Variants in POLR2G observed in about 807,000 individuals in gnomAD.
POLR2G encodes DNA-directed RNA polymerase II subunit RPB7.
Under a neutral mutation model 25.7 loss-of-function variants are expected in POLR2G, and 19 were observed. The observed-to-expected ratio is 0.74, with a 90% CI of 0.52 to 1.08. POLR2G has a LOEUF of 1.08. POLR2G is among the 50% of genes least tolerant of loss of function. The pLI is 0.00. For synonymous variants in POLR2G, 79 were observed against 76.0 expected (o/e 1.04, Z -0.21); for missense variants, 123 against 218.5 (o/e 0.56, Z 2.76).
rs767859598 is a variant in POLR2G at position 62,765,733 on chromosome 11, T to C, written c.471+9T>C. 1.2e-5 allele frequency: 18 copies of C among 1,532,832 alleles called. No individual in the cohort carries two copies. The highest frequency in any genetic ancestry group is 1.6e-5 in the Non-Finnish European group (18 of 1,105,928). The allele number at this position is 1,532,832 out of a possible 1,614,324, so 95.0% of individuals were successfully genotyped here. On this transcript the variant is annotated intron_variant, in intron 6 of 7. Coordinates refer to ENST00000301788, the MANE Select transcript of POLR2G (RefSeq NM_002696.3). ...TGGACAAGAATGACATTGTGAGTCTTTTCCCCACCTCTCTACCTATACCAG... is the reference window on the plus strand; with the variant it reads ...TGGACAAGAATGACATTGTGAGTCTCTTCCCCACCTCTCTACCTATACCAG...
intron 2 of POLR2G, 146 bp from the exon 3 acceptor site, chr11:62,762,721 A>G: frequency 1.5e-6 from 1 of 652,064 alleles, no homozygotes; most frequent in East Asian, 2.6e-5. Flanking sequence ...TCTTTTGGTC[A>G]TTAAGCTCTC....
chr11:62,766,345 T>G, intron 7 of POLR2G, 69 bp downstream of exon 7: 1 of 1,520,866 alleles, frequency 6.6e-7, no homozygotes, highest in South Asian at 1.1e-5. Flanking sequence ...GGGAGTAATA[T>G]AGGATTCAAT....
intron 5 of POLR2G, 25 bp downstream of exon 5, chr11:62,765,430 G>C: frequency 6.3e-7 from 1 of 1,578,662 alleles, no homozygotes; most frequent in Non-Finnish European, 8.7e-7. Flanking sequence ...AGAAGTCAGG[G>C]AGACAAGGAG....
At chr11:62,762,630 G>A in intron 2 of POLR2G, 1 of 609,672 alleles carries the variant, frequency 1.6e-6, no homozygotes, top group Non-Finnish European at 3.1e-6. Context: ...GTTGCCTCAA[G>A]GACTCCAGCC....
rs1240958819 is a variant in POLR2G, at chr11:62,761,950, C to T, written c.122+46C>T. ...ACCGCCAGATCGTTCGATGCGCACA[C>T]GGGGCGCTATACCTGCAACCCCTCC... On this transcript the variant is annotated intron_variant, in intron 2 of 7. Coordinates refer to ENST00000301788, the MANE Select transcript of POLR2G (RefSeq NM_002696.3). 2.2e-6 allele frequency: 3 copies of T among 1,380,970 alleles called. No homozygotes were observed. The South Asian group carries it at 3.5e-5, about 16-fold the overall frequency. 85.5% of individuals were successfully genotyped at this position (1,380,970 alleles called of 1,614,324 possible).
intron 2 of POLR2G, 186 bp from the exon 3 acceptor site, chr11:62,762,681 G>A (rs1369909786): frequency 1.5e-6 from 1 of 648,154 alleles, no homozygotes; most frequent in East Asian, 2.8e-5. Context: ...ACAGCATTTG[G>A]TCTTACACAT....
intron 3 of POLR2G, among the ~76,000 whole-genome samples, chr11:62,763,314 A>T (rs1455861062): frequency 1.7e-5 from 2 of 119,876 alleles, no homozygotes. Flanking sequence ...TTTTTTTTTG[A>T]GACGGAGTCT....
chr11:62,765,386 G>T lies in POLR2G; in HGVS notation c.380G>T (p.Cys127Phe). The T allele has an allele frequency of 6.2e-7, 1 of 1,612,870 alleles. No homozygotes were observed. Among genetic ancestry groups the T allele is most frequent in the Non-Finnish European group, 8.5e-7 (1 of 1,178,966 alleles). ...MEFDPNSNPP[C>F]YKTMDEDIVI... ...TTTGATCCTAACTCCAACCCACCAT[G>T]TTACAAGACAATGGATGAGGTGAGT... is the stretch of plus-strand genomic sequence containing the variant. Residue 127 changes from cysteine to phenylalanine, a missense_variant, in exon 5 of 8, where the codon TGT (cysteine) becomes TTT (phenylalanine). Coordinates refer to ENST00000301788, the MANE Select transcript of POLR2G (RefSeq NM_002696.3).
rs139234333 is a variant in POLR2G at position 62,766,326 on chromosome 11, G to A, written c.505+50G>A. Reference sequence around the variant, plus strand: ...GGGTTATTGCCTGGAGAAGGGATGTGTGGGGGTGGGGAGTAATATAGGATT... The same window carrying A: ...GGGTTATTGCCTGGAGAAGGGATGTATGGGGGTGGGGAGTAATATAGGATT... On this transcript the variant is annotated intron_variant, in intron 7 of 7. Transcript: ENST00000301788. 1,427 of 1,565,632 alleles carry A rather than the reference G, an allele frequency of 9.1e-4. 23 individuals carry two copies. In the East Asian group the frequency reaches 0.03, roughly 32 times the overall value.
chr11:62,764,666 T>A (rs2084105902), intron 3 of POLR2G, among the ~76,000 whole-genome samples: 1 of 151,664 alleles, frequency 6.6e-6, no homozygotes, highest in African/African-American at 2.4e-5. Context: ...CATGGTGGTG[T>A]GCACCTGTGG....
Position 62,762,867 on chromosome 11 carries a change from G to T in POLR2G, c.123G>T (p.Lys41Asn). Residue 41 changes from lysine (K) to asparagine (N), a missense_variant and splice_region_variant, in exon 3 of 8, where the codon AAG becomes AAT. Physicochemically the swap from Lys to Asn is moderately conservative, Grantham distance 94. Coordinates refer to ENST00000301788, the MANE Select transcript of POLR2G (RefSeq NM_002696.3). ...FTEVEGTCTG[K>N]YGFVIAVTTI... is the part of the protein sequence containing the mutation. ...TTCCTGTTTCTCATCCTCCTTGCAG[G>T]TATGGCTTTGTAATTGCTGTCACCA... 1 of 1,587,406 alleles carries T rather than the reference G, an allele frequency of 6.3e-7. No homozygotes were observed. Among genetic ancestry groups the T allele is most frequent in the Non-Finnish European group, 8.6e-7 (1 of 1,161,426 alleles).
rs1453790883 is a variant in POLR2G at position 62,761,924 on chromosome 11, C to A, written c.122+20C>A. ...AGGGAAGTGAGTGTCGAGCTCACCG[C>A]ACCGCCAGATCGTTCGATGCGCACA... On this transcript the variant is annotated intron_variant, in intron 2 of 7. Transcript: ENST00000301788. 1 of 1,537,320 alleles carries A rather than the reference C, an allele frequency of 6.5e-7. No individual in the cohort carries two copies. Among genetic ancestry groups the A allele is most frequent in the Non-Finnish European group, 8.9e-7 (1 of 1,117,334 alleles).
intron 3 of POLR2G, 98 bp from the exon 4 acceptor site, chr11:62,765,084 C>G (rs1431678962): frequency 4.0e-6 from 4 of 995,298 alleles, no homozygotes; most frequent in Non-Finnish European, 6.3e-6. Context: ...GTCTGAAACT[C>G]CTGACCTCGT....
chr11:62,761,982 C>A (rs952388179), intron 2 of POLR2G, 78 bp downstream of exon 2: 5 of 1,030,736 alleles, frequency 4.9e-6, no homozygotes, highest in Non-Finnish European at 7.4e-6. Flanking sequence ...CTCCCCAACT[C>A]CTACTCGTCC....
At position 62,761,864 on chromosome 11, in the gene POLR2G, C is replaced by T. The variant is rs1261303989; in HGVS notation, c.82C>T (p.Gln28Ter). ...CCCCAACTTGCTCAACACGGTGAAG[C>T]AGAAGCTCTTCACCGAGGTGGAGGG... ...FGPNLLNTVK[Q>*]KLFTEVEGTC... The change falls in exon 2 of 8, where the codon CAG (glutamine) becomes TAG (stop). Residue 28 changes from glutamine to a stop codon, truncating the protein, a stop_gained. Coordinates refer to ENST00000301788, the MANE Select transcript of POLR2G (RefSeq NM_002696.3). LOFTEE classifies it high-confidence loss of function. 6.2e-7 allele frequency: 1 copy of T among 1,613,236 alleles called. No homozygotes were observed.
chr11:62,764,832 G>C (rs1447039986), intron 3 of POLR2G, among the ~76,000 whole-genome samples: 1 of 151,506 alleles, frequency 6.6e-6, no homozygotes, highest in Non-Finnish European at 1.5e-5. Context: ...CACAACACTT[G>C]AGGGGACAAA....
chr11:62,761,725 G>A (rs2084089763), intron 1 of POLR2G, 65 bp downstream of exon 1: 1 of 1,606,892 alleles, frequency 6.2e-7, no homozygotes, highest in Non-Finnish European at 8.5e-7. Flanking sequence ...AGGCGCCGGC[G>A]CGAGACTCCC....
intron 3 of POLR2G, among the ~76,000 whole-genome samples, chr11:62,763,591 G>T (rs1479839433): frequency 6.6e-6 from 1 of 152,066 alleles, no homozygotes; most frequent in African/African-American, 2.4e-5. Flanking sequence ...ACCGCGCCCG[G>T]CCTGCACTTT....
At chr11:62,764,390 G>A (rs1308350712) in intron 3 of POLR2G, among the ~76,000 whole-genome samples, 1 of 152,152 alleles carries the variant, frequency 6.6e-6, no homozygotes, top group African/African-American at 2.4e-5. Context: ...GAACCTGGGA[G>A]GTGGAGGTTG....
Sources: gnomAD v4.1 joint callset for allele counts (sites outside exome capture counted in the v4.1 genomes callset) on GRCh38, gnomAD v4.1.1 for gene constraint, MANE v1.5 for transcripts, NCBI Gene and HGNC (gene_info 2026-07-23, HGNC 2026-07-21) for gene names.